ATG7: variants seen among roughly 807,000 people sequenced by gnomAD.
ATG7 encodes autophagy related 7.
ATG7 carries 70 observed loss-of-function variants against 82.4 expected under a neutral mutation model. That is an observed-to-expected ratio of 0.85 (90% CI 0.70 to 1.04). The LOEUF (loss-of-function observed/expected upper bound fraction) is 1.04, where lower values mean the gene tolerates loss of function less well. Among genes scored for constraint, ATG7 ranks in the 50% least tolerant of loss-of-function variants. The pLI, the probability that ATG7 is intolerant of heterozygous loss-of-function variation, is 0.00. For missense variants in ATG7, 792 were observed against 864.3 expected, an observed-to-expected ratio of 0.92 and a Z score of 1.05; for synonymous variants, 287 against 313.0, an observed-to-expected ratio of 0.92 and a Z score of 0.88.
chr3:11,463,088 T>C (rs983161061), intron 20 of ATG7, among the ~76,000 whole-genome samples: 1 of 152,046 alleles, frequency 6.6e-6, no homozygotes, highest in Non-Finnish European at 1.5e-5. Context: ...TTTTGCCATG[T>C]TGATCAGGCT....
intron 20 of ATG7, among the ~76,000 whole-genome samples, chr3:11,433,802 T>C (rs1380247434): frequency 6.6e-6 from 1 of 152,240 alleles, no homozygotes; most frequent in Non-Finnish European, 1.5e-5. Flanking sequence ...TTGTCAAGGT[T>C]GTGCTAAATA....
intron 9 of ATG7, among the ~76,000 whole-genome samples, chr3:11,321,342 TGA>T (rs1490523672): frequency 6.6e-6 from 1 of 152,160 alleles, no homozygotes; most frequent in Admixed American, 6.5e-5. Context: ...TGGCTGACTA[TGA>T]GAGAGTGGGT....
At chr3:11,531,096 T>C (rs2092685813) in intron 20 of ATG7, among the ~76,000 whole-genome samples, 1 of 152,206 alleles carries the variant, frequency 6.6e-6, no homozygotes, top group Non-Finnish European at 1.5e-5. Flanking sequence ...CCTCTCTGGC[T>C]GGTTGGCAGG....
chr3:11,556,764 A>AAAATCACCCATATAG lies in ATG7; in HGVS notation c.*1925_*1939dup. The AAAATCACCCATATAG allele has an allele frequency of 6.7e-6, 1 of 148,938 alleles. No individual in the cohort carries two copies. The highest frequency in any genetic ancestry group is 1.5e-5 in the Non-Finnish European group (1 of 68,012). 9.2% of individuals were successfully genotyped at this position (148,938 alleles called of 1,614,324 possible). ...TTACGCACAGCGTAACGATGGTCTC[A>AAAATCACCCATATAG]AAATCACCCATATAGAAAAGTGTTC... is the stretch of plus-strand genomic sequence containing the variant. On this transcript the variant is annotated 3_prime_UTR_variant, in exon 21 of 21. Transcript: ENST00000693202.
At chr3:11,276,570 G>C (rs57851435) in intron 1 of ATG7, among the ~76,000 whole-genome samples, 1 of 151,960 alleles carries the variant, frequency 6.6e-6, no homozygotes, top group Non-Finnish European at 1.5e-5. Context: ...TCCTGCTCTC[G>C]TCCCACCACT....
chr3:11,551,834 T>C (rs1441233561), intron 20 of ATG7, among the ~76,000 whole-genome samples: 3 of 152,114 alleles, frequency 2.0e-5, no homozygotes, highest in African/African-American at 7.2e-5. Context: ...CTACAACTTC[T>C]ACCTCCTGAG....
intron 9 of ATG7, among the ~76,000 whole-genome samples, chr3:11,325,390 G>A (rs1046587059): frequency 2.6e-5 from 4 of 152,180 alleles, no homozygotes; most frequent in African/African-American, 4.8e-5. Flanking sequence ...TTATCCTATA[G>A]GCCAGGCGTG....
chr3:11,347,305 A>G lies in ATG7; in HGVS notation c.1126-572A>G, dbSNP rs943769449. 2.6e-5 allele frequency among the ~76,000 whole-genome samples: 4 copies of G among 152,248 alleles called. No homozygotes were observed. In the South Asian group the frequency reaches 6.2e-4, roughly 24 times the overall value. On this transcript the variant is annotated intron_variant, in intron 13 of 20. Coordinates refer to ENST00000693202, the MANE Select transcript of ATG7 (RefSeq NM_001349232.2). ...GTTATAGGAGACATAATTGAAGTCT[A>G]TAAAACCGTGAAAACTATTTCTAAG...
intron 15 of ATG7, among the ~76,000 whole-genome samples, chr3:11,359,250 T>C (rs1177312958): frequency 1.3e-5 from 2 of 152,118 alleles, no homozygotes; most frequent in Non-Finnish European, 2.9e-5. Flanking sequence ...ACCAAACTAT[T>C]AATAGTAATT....
At chr3:11,300,752 C>T (rs1431410261) in intron 5 of ATG7, among the ~76,000 whole-genome samples, 3 of 152,094 alleles carry the variant, frequency 2.0e-5, no homozygotes, top group South Asian at 2.1e-4. Flanking sequence ...TACAGCCATT[C>T]GGTTTTTCAC....
intron 20 of ATG7, among the ~76,000 whole-genome samples, chr3:11,530,024 G>A (rs2092663961): frequency 6.6e-6 from 1 of 152,176 alleles, no homozygotes; most frequent in Non-Finnish European, 1.5e-5. Context: ...GGACAGAGGA[G>A]GACCTTCTAC....
intron 11 of ATG7, among the ~76,000 whole-genome samples, chr3:11,335,736 G>A (rs576761468): frequency 6.6e-5 from 10 of 152,206 alleles, no homozygotes; most frequent in Non-Finnish European, 1.0e-4. Flanking sequence ...TTGCCCTGTC[G>A]CTTGAGGCTC....
chr3:11,413,835 C>A (rs2081135860), intron 19 of ATG7, among the ~76,000 whole-genome samples: 1 of 152,168 alleles, frequency 6.6e-6, no homozygotes, highest in African/African-American at 2.4e-5. Flanking sequence ...ATAGAACTCA[C>A]CAGTGGAACC....
At chr3:11,384,363 A>T (rs1381430312) in intron 19 of ATG7, among the ~76,000 whole-genome samples, 1 of 152,218 alleles carries the variant, frequency 6.6e-6, no homozygotes, top group Non-Finnish European at 1.5e-5. Context: ...TGTGCCCAGA[A>T]ACCTGATCTT....
chr3:11,558,456 C>T, downstream of ATG7: 2 of 940,494 alleles, frequency 2.1e-6, no homozygotes, highest in Non-Finnish European at 3.0e-6. Context: ...CCTTCCCTTC[C>T]CCCCACCCCA....
intron 1 of ATG7, among the ~76,000 whole-genome samples, chr3:11,273,343 G>C (rs958418040): frequency 9.9e-5 from 15 of 152,110 alleles, no homozygotes; most frequent in Admixed American, 2.0e-4. Flanking sequence ...TTCTACTTCT[G>C]GTTGCTCCTG....
intron 3 of ATG7, among the ~76,000 whole-genome samples, chr3:11,292,276 CAG>C (rs1219663416): frequency 4.9e-5 from 7 of 141,638 alleles, no homozygotes; most frequent in Non-Finnish European, 1.1e-4. Context: ...TTTTTGGAGA[CAG>C]AGTCTCGCTC....
intron 20 of ATG7, among the ~76,000 whole-genome samples, chr3:11,464,236 G>T (rs763254012): frequency 1.3e-5 from 2 of 152,026 alleles, no homozygotes; most frequent in Non-Finnish European, 2.9e-5. Flanking sequence ...GCCAGGCATG[G>T]TGTTATGCAC....
chr3:11,333,142 C>A, intron 11 of ATG7, 49 bp downstream of exon 11: 2 of 1,488,478 alleles, frequency 1.3e-6, no homozygotes, highest in Non-Finnish European at 1.8e-6. Context: ...TTATCAGAAA[C>A]GGAACCAGGT....
Sources: allele counts gnomAD v4.1 joint callset (sites outside exome capture counted in the v4.1 genomes callset), GRCh38; gene constraint gnomAD v4.1.1; transcripts MANE v1.5; gene names NCBI Gene and HGNC (gene_info 2026-07-23, HGNC 2026-07-21).